The following NGEF variants were observed in gnomAD, a reference collection of about 807,000 sequenced individuals.
NGEF encodes the protein neuronal guanine nucleotide exchange factor.
NGEF carries 31 observed loss-of-function variants against 80.9 expected under a neutral mutation model. That is an observed-to-expected ratio of 0.38 (90% CI 0.29 to 0.52). The LOEUF (loss-of-function observed/expected upper bound fraction) is 0.52. NGEF is among the 20% of genes least tolerant of loss of function. The pLI is 0.84. For missense variants in NGEF, 709 were observed against 926.2 expected, an observed-to-expected ratio of 0.77 and a Z score of 3.04; for synonymous variants, 371 against 370.2, an observed-to-expected ratio of 1.00 and a Z score of -0.03.
rs752391739 is a variant in NGEF at position 232,920,240 on chromosome 2, C to A, written c.828+44G>T. The A allele has an allele frequency of 3.2e-6, 5 of 1,571,026 alleles. No homozygotes were observed. The South Asian group carries it at 5.9e-5, about 19-fold the overall frequency. On this transcript the variant is annotated intron_variant, in intron 5 of 14. Transcript: ENST00000264051. ...CCTCACCCCCAGCAGTGAGGGCCAC[C>A]CCGGTGTGCTGTGGGGGAGCCCCCG...
chr2:232,897,791 C>T (rs1020840913), intron 5 of NGEF, among the ~76,000 whole-genome samples: 4 of 152,126 alleles, frequency 2.6e-5, no homozygotes, highest in Admixed American at 6.5e-5. Flanking sequence ...ATCCCCACGT[C>T]GCATCTGCCT....
intron 12 of NGEF, 120 bp from the exon 13 acceptor site, chr2:232,882,385 C>A: frequency 1.1e-6 from 1 of 889,744 alleles, no homozygotes; most frequent in Non-Finnish European, 1.8e-6. Flanking sequence ...GAGCACCGCT[C>A]AAGCCCACCC....
chr2:232,980,761 A>G (rs1234352645), intron 1 of NGEF, among the ~76,000 whole-genome samples: 1 of 152,074 alleles, frequency 6.6e-6, no homozygotes, highest in Non-Finnish European at 1.5e-5. Flanking sequence ...AGCCTCCCAG[A>G]GTGTTGGGAT....
At chr2:232,939,718 C>T (rs1693401143) in intron 3 of NGEF, among the ~76,000 whole-genome samples, 2 of 152,134 alleles carry the variant, frequency 1.3e-5, no homozygotes, top group South Asian at 4.2e-4. Context: ...GGTGTCTCGG[C>T]CGGGCACGGT....
intron 5 of NGEF, among the ~76,000 whole-genome samples, chr2:232,902,408 G>A (rs938044347): frequency 2.0e-5 from 3 of 152,188 alleles, no homozygotes; most frequent in Non-Finnish European, 2.9e-5. Context: ...CGTGAGCAGC[G>A]TGGGGAGTGG....
chr2:232,896,745 GGT>G (rs1218699607), intron 5 of NGEF, among the ~76,000 whole-genome samples: 45 of 77,858 alleles, frequency 5.8e-4, no homozygotes, highest in Admixed American at 4.0e-3. Context: ...TGAGGGTGAA[GGT>G]AGGGGTGAGG....
At chr2:232,914,206 T>G (rs190738653) in intron 5 of NGEF, among the ~76,000 whole-genome samples, 7 of 152,326 alleles carry the variant, frequency 4.6e-5, no homozygotes, top group Admixed American at 1.3e-4. Flanking sequence ...CTACAAAGCC[T>G]AACACATTTA....
chr2:232,964,887 A>G (rs1694025082), intron 3 of NGEF, among the ~76,000 whole-genome samples: 2 of 152,190 alleles, frequency 1.3e-5, no homozygotes, highest in Admixed American at 1.3e-4. Flanking sequence ...TTGGATATTG[A>G]CTTGAAAACG....
chr2:232,960,426 TCA>T (rs911154662), intron 3 of NGEF, among the ~76,000 whole-genome samples: 3 of 152,162 alleles, frequency 2.0e-5, no homozygotes, highest in Non-Finnish European at 2.9e-5. Flanking sequence ...GTGGGCAGAT[TCA>T]CAGGAACACC....
At chr2:232,960,778 T>G (rs372142458) in intron 3 of NGEF, among the ~76,000 whole-genome samples, 2 of 152,262 alleles carry the variant, frequency 1.3e-5, no homozygotes, top group Middle Eastern at 3.4e-3. Flanking sequence ...CTTAGGAGGC[T>G]GAAGCAGGAG....
intron 1 of NGEF, among the ~76,000 whole-genome samples, chr2:233,005,662 C>T (rs1487024253): frequency 1.3e-5 from 2 of 152,168 alleles, no homozygotes; most frequent in South Asian, 2.1e-4. Context: ...CAAAGTAGTT[C>T]GGGCAGCCTC....
At chr2:233,010,763 C>T (rs1695185859) in intron 1 of NGEF, among the ~76,000 whole-genome samples, 1 of 152,186 alleles carries the variant, frequency 6.6e-6, no homozygotes, top group Admixed American at 6.5e-5. Flanking sequence ...CGGCCCTGGC[C>T]TCCAGGATGG....
At chr2:232,912,889 C>G (rs990480176) in intron 5 of NGEF, among the ~76,000 whole-genome samples, 2 of 152,120 alleles carry the variant, frequency 1.3e-5, no homozygotes, top group Non-Finnish European at 2.9e-5. Flanking sequence ...TTTATATCTT[C>G]TCTTTTTTTG....
At chr2:232,994,550 A>G (rs758400899) in intron 1 of NGEF, among the ~76,000 whole-genome samples, 10 of 152,152 alleles carry the variant, frequency 6.6e-5, no homozygotes, top group Non-Finnish European at 1.0e-4. Flanking sequence ...TTGAGAAAGA[A>G]TTTGGTGGTT....
intron 13 of NGEF, among the ~76,000 whole-genome samples, chr2:232,881,683 AG>A (rs1335229975): frequency 6.6e-6 from 1 of 152,124 alleles, no homozygotes; most frequent in Non-Finnish European, 1.5e-5. Context: ...GCCAGGTTCA[AG>A]GAATTCTCAT....
chr2:232,884,036 C>T lies in NGEF; in HGVS notation c.1546G>A (p.Glu516Lys), dbSNP rs763007458. The T allele has an allele frequency of 6.2e-6, 10 of 1,612,452 alleles. No homozygotes were observed. The highest frequency in any genetic ancestry group is 2.7e-5 in the African/African-American group (2 of 74,782). Residue 516 changes from glutamate to lysine, a missense_variant, in exon 11 of 15, where the codon GAA (glutamate) becomes AAA (lysine). Physicochemically the swap from Glu to Lys is moderately conservative, Grantham distance 56. Transcript: ENST00000264051. Reference protein sequence around the residue: ...RTLRTKKLFHEIYLFLFNDLL... With the variant: ...RTLRTKKLFHKIYLFLFNDLL... ...TCGTTGAACAGGAAGAGGTAAATTTCGTGGAAGAGCTTCTTGGTCCTCAGG... is the reference window on the plus strand; with the variant it reads ...TCGTTGAACAGGAAGAGGTAAATTTTGTGGAAGAGCTTCTTGGTCCTCAGG...
intron 1 of NGEF, among the ~76,000 whole-genome samples, chr2:232,982,097 G>A (rs567364195): frequency 6.6e-6 from 1 of 152,340 alleles, no homozygotes; most frequent in East Asian, 1.9e-4. Flanking sequence ...ACTGGTCCTT[G>A]GAGCTGGGAC....
intron 3 of NGEF, among the ~76,000 whole-genome samples, chr2:232,929,007 C>G (rs992309514): frequency 2.0e-5 from 3 of 152,202 alleles, no homozygotes; most frequent in Admixed American, 2.0e-4. Flanking sequence ...GGATATCTAG[C>G]AAGATGCCCC....
chr2:232,881,533 G>C (rs905882178), intron 13 of NGEF, among the ~76,000 whole-genome samples: 2 of 152,122 alleles, frequency 1.3e-5, no homozygotes, highest in Admixed American at 1.3e-4. Context: ...GGTTTGGGGT[G>C]GTCAGGACAG....
Sources: gnomAD v4.1 joint callset for allele counts (sites outside exome capture counted in the v4.1 genomes callset) on GRCh38, gnomAD v4.1.1 for gene constraint, MANE v1.5 for transcripts, NCBI Gene and HGNC (gene_info 2026-07-23, HGNC 2026-07-21) for gene names.